UFSP2: variants seen among roughly 807,000 people sequenced by gnomAD.
UFSP2 encodes ufm1-specific protease 2.
UFSP2 carries 43 observed loss-of-function variants against 60.2 expected under a neutral mutation model. The ratio of observed to expected loss-of-function variants is 0.71; its 90% confidence interval spans 0.56 to 0.92. The LOEUF is 0.92. Ranked by LOEUF, UFSP2 falls within the 40% of genes least tolerant of loss-of-function variation. The probability of loss-of-function intolerance (pLI) is 0.00; values close to 1 mark genes in which losing one functional copy is unlikely to be tolerated. For missense variants in UFSP2, 520 were observed against 575.0 expected, an observed-to-expected ratio of 0.90 and a Z score of 0.98; for synonymous variants, 183 against 195.1, an observed-to-expected ratio of 0.94 and a Z score of 0.52.
chr4:185,421,190 G>A (rs990794133), intron 2 of UFSP2, among the ~76,000 whole-genome samples: 9 of 152,200 alleles, frequency 5.9e-5, no homozygotes, highest in Non-Finnish European at 1.3e-4. Context: ...GGATTCAAAT[G>A]TGGACCAAAA....
intron 1 of UFSP2, among the ~76,000 whole-genome samples, chr4:185,425,130 T>G (rs1580091425): frequency 6.6e-6 from 1 of 152,276 alleles, no homozygotes; most frequent in East Asian, 1.9e-4. Flanking sequence ...TCTATAGGAC[T>G]TGATTATTGA....
chr4:185,425,950 G>A lies in UFSP2; in HGVS notation c.-82C>T, dbSNP rs972302131. 30 of 1,516,722 alleles carry A rather than the reference G, an allele frequency of 2.0e-5. No homozygotes were observed. The highest frequency in any genetic ancestry group is 8.4e-5 in the South Asian group (7 of 83,612). The allele number at this position is 1,516,722 out of a possible 1,614,324, so 94.0% of individuals were successfully genotyped here. On this transcript the variant is annotated 5_prime_UTR_variant, in exon 1 of 12. Transcript: ENST00000264689. ...GGCCCTGAAGTGGTGTCACCGCACG[G>A]CCCAGGGGCGGGGCCCGGGCGGACC...
chr4:185,406,865 T>C (rs1485857921), intron 9 of UFSP2, among the ~76,000 whole-genome samples: 2 of 151,916 alleles, frequency 1.3e-5, no homozygotes, highest in African/African-American at 2.4e-5. Flanking sequence ...CGTGAGCCAC[T>C]GTGCCCAGCC....
intron 7 of UFSP2, among the ~76,000 whole-genome samples, chr4:185,409,146 G>A (rs562900115): frequency 6.6e-6 from 1 of 151,996 alleles, no homozygotes; most frequent in Non-Finnish European, 1.5e-5. Flanking sequence ...AGGAATAAAG[G>A]AATGAACAAA....
At chr4:185,424,140 CAAAA>C (rs5864936) in intron 1 of UFSP2, among the ~76,000 whole-genome samples, 2 of 135,212 alleles carry the variant, frequency 1.5e-5, no homozygotes, top group Admixed American at 7.4e-5. Flanking sequence ...CCATCTCTAC[CAAAA>C]AAAAAAAAAA....
Position 185,399,748 on chromosome 4 carries a change from A to T in UFSP2, c.*644T>A. 3.1e-6 allele frequency: 5 copies of T among 1,614,130 alleles called. No individual in the cohort carries two copies. The highest frequency in any genetic ancestry group is 4.2e-6 in the Non-Finnish European group (5 of 1,180,008). On this transcript the variant is annotated 3_prime_UTR_variant, in exon 12 of 12. Transcript: ENST00000264689. ...GAAACGGAGTCTCGGAAGTGTAGAAAATACCAGTGGGAAAAGGAAGTGCTG... is the reference window on the plus strand; with the variant it reads ...GAAACGGAGTCTCGGAAGTGTAGAATATACCAGTGGGAAAAGGAAGTGCTG...
intron 10 of UFSP2, among the ~76,000 whole-genome samples, chr4:185,404,845 CA>C (rs2095518333): frequency 6.6e-6 from 1 of 151,900 alleles, no homozygotes; most frequent in Non-Finnish European, 1.5e-5. Context: ...CTCAGCCTCC[CA>C]AAGTGCTGGA....
At chr4:185,417,096 A>C (rs577383210) in intron 4 of UFSP2, among the ~76,000 whole-genome samples, 55 of 150,352 alleles carry the variant, frequency 3.7e-4, no homozygotes, top group African/African-American at 1.2e-3. Context: ...TAAGTAAGTG[A>C]AGTTAACCTC....
intron 1 of UFSP2, among the ~76,000 whole-genome samples, chr4:185,425,062 A>C (rs2095556845): frequency 6.6e-6 from 1 of 152,212 alleles, no homozygotes; most frequent in Non-Finnish European, 1.5e-5. Context: ...GATAGATCTC[A>C]AGGCCAAGGA....
At chr4:185,411,595 G>T (rs1410868526) in intron 7 of UFSP2, among the ~76,000 whole-genome samples, 1 of 152,106 alleles carries the variant, frequency 6.6e-6, no homozygotes, top group Admixed American at 6.5e-5. Flanking sequence ...CATCTATATT[G>T]TTGAGAGATT....
chr4:185,400,567 C>G, intron 11 of UFSP2, 89 bp from the exon 12 acceptor site: 2 of 912,520 alleles, frequency 2.2e-6, no homozygotes, highest in East Asian at 2.5e-5. Flanking sequence ...GTCAGCAGGA[C>G]CTTGGAATAA....
At position 185,415,679 on chromosome 4, in the gene UFSP2, A is replaced by G. The variant is rs149023841; in HGVS notation, c.491+31T>C. The G allele has an allele frequency of 5.2e-4, 817 of 1,582,302 alleles. 5 individuals carry two copies. In the African/African-American group the frequency reaches 9.9e-3, roughly 19 times the overall value. ...GGGTTTGGGGAAGGGCCCTCATTCA[A>G]ATGTGGCAGTGGTACTATAAAAATA... is the stretch of plus-strand genomic sequence containing the variant. On this transcript the variant is annotated intron_variant, in intron 5 of 11. Coordinates refer to ENST00000264689, the MANE Select transcript of UFSP2 (RefSeq NM_018359.5).
chr4:185,418,071 C>CACACACACACACACACACACACA (rs761008119), intron 4 of UFSP2, among the ~76,000 whole-genome samples: 1 of 151,700 alleles, frequency 6.6e-6, no homozygotes, highest in African/African-American at 2.4e-5. Flanking sequence ...CACACACAAA[C>CACACACACACACACACACACACA]AACAGAACCA....
At chr4:185,407,715 ATACAT>A (rs1485544474) in intron 9 of UFSP2, among the ~76,000 whole-genome samples, 1 of 152,138 alleles carries the variant, frequency 6.6e-6, no homozygotes, top group Non-Finnish European at 1.5e-5. Context: ...TAATACAAGT[ATACAT>A]TACATCACAA....
chr4:185,403,889 T>C (rs1409213202), intron 10 of UFSP2, among the ~76,000 whole-genome samples: 1 of 142,800 alleles, frequency 7.0e-6, no homozygotes, highest in Non-Finnish European at 1.5e-5. Flanking sequence ...GAGAATGGCA[T>C]GAACCTGGGA....
intron 8 of UFSP2, 86 bp from the exon 9 acceptor site, chr4:185,408,146 C>T: frequency 3.9e-6 from 6 of 1,546,388 alleles, no homozygotes; most frequent in Middle Eastern, 1.7e-4. Context: ...ATTACCAGTA[C>T]AAGAATTTTT....
chr4:185,421,388 G>A lies in UFSP2; in HGVS notation c.82+1097C>T, dbSNP rs148180259. On this transcript the variant is annotated intron_variant, in intron 2 of 11. Transcript: ENST00000264689. ...AAATGTGATCTCCAATGTTTGAAGT[G>A]GGGCCTGGTGGGAGGTGTTTGAATC... 4.5e-3 allele frequency among the ~76,000 whole-genome samples: 683 copies of A among 152,324 alleles called. 4 individuals carry two copies. The highest frequency in any genetic ancestry group is 0.015 in the African/African-American group (629 of 41,570).
chr4:185,415,912 C>CTAAATA (rs2095537830), intron 4 of UFSP2, 45 bp from the exon 5 acceptor site: 1 of 1,459,610 alleles, frequency 6.9e-7, no homozygotes, highest in Non-Finnish European at 9.2e-7. Flanking sequence ...GCATTAAACA[C>CTAAATA]TAAATATAAA....
chr4:185,409,972 C>T (rs983608938), intron 7 of UFSP2, among the ~76,000 whole-genome samples: 3 of 152,042 alleles, frequency 2.0e-5, no homozygotes, highest in African/African-American at 7.2e-5. Flanking sequence ...GTGATGTCAG[C>T]CCAGTGATAC....
Sources: gnomAD v4.1 joint callset for allele counts (sites outside exome capture counted in the v4.1 genomes callset) on GRCh38, gnomAD v4.1.1 for gene constraint, MANE v1.5 for transcripts, NCBI Gene and HGNC (gene_info 2026-07-23, HGNC 2026-07-21) for gene names.